The following FNDC3B variants were observed in gnomAD, a reference collection of about 807,000 sequenced individuals.
FNDC3B encodes the protein fibronectin type III domain containing 3B, also known as fibronectin type III domain-containing protein 3B.
FNDC3B carries 12 observed loss-of-function variants against 151.5 expected under a neutral mutation model. That is an observed-to-expected ratio of 0.08 (90% confidence interval 0.05 to 0.13). The LOEUF is 0.13. FNDC3B is among the 10% of genes least tolerant of loss of function. The pLI is 1.00. For missense variants in FNDC3B, 1,214 were observed against 1,505.3 expected (o/e 0.81, Z 3.20); for synonymous variants, 528 against 549.0 (o/e 0.96, Z 0.54).
chr3:172,329,654 C>T (rs1732538161), intron 12 of FNDC3B: 1 of 152,188 alleles, frequency 6.6e-6, no homozygotes, highest in African/African-American at 2.4e-5. Flanking sequence ...GGGGGTAACT[C>T]TTCATTAAGG....
intron 3 of FNDC3B, among the ~76,000 whole-genome samples, chr3:172,203,597 G>A (rs1725268623): frequency 6.6e-6 from 1 of 152,152 alleles, no homozygotes; most frequent in Non-Finnish European, 1.5e-5. Flanking sequence ...CCTTTGATTT[G>A]CTTTATCTTT....
At chr3:172,200,111 C>A (rs1172479131) in intron 3 of FNDC3B, among the ~76,000 whole-genome samples, 3 of 152,150 alleles carry the variant, frequency 2.0e-5, no homozygotes, top group African/African-American at 7.2e-5. Flanking sequence ...TGGAACCCAC[C>A]CTGGACAGGA....
intron 6 of FNDC3B, among the ~76,000 whole-genome samples, chr3:172,277,478 C>T (rs1729491554): frequency 6.6e-6 from 1 of 152,110 alleles, no homozygotes; most frequent in Admixed American, 6.5e-5. Context: ...TCTATGAGGG[C>T]TTTATCCTCA....
intron 2 of FNDC3B, among the ~76,000 whole-genome samples, chr3:172,128,340 T>A (rs910655904): frequency 9.9e-5 from 15 of 152,234 alleles, no homozygotes; most frequent in Non-Finnish European, 1.9e-4. Context: ...TTGCATGTGT[T>A]ATTACCACAA....
intron 6 of FNDC3B, among the ~76,000 whole-genome samples, chr3:172,267,182 G>T (rs542051825): frequency 6.6e-6 from 1 of 150,982 alleles, no homozygotes; most frequent in South Asian, 2.1e-4. Context: ...TTTGAACAGG[G>T]TCTCACTCTG....
At chr3:172,238,636 A>G (rs878899932) in intron 4 of FNDC3B, among the ~76,000 whole-genome samples, 2 of 152,184 alleles carry the variant, frequency 1.3e-5, no homozygotes, top group Admixed American at 1.3e-4. Flanking sequence ...TAGGGTGGGT[A>G]CAGACCTTAC....
At chr3:172,109,499 G>T (rs1449010900) in intron 1 of FNDC3B, among the ~76,000 whole-genome samples, 1 of 152,226 alleles carries the variant, frequency 6.6e-6, no homozygotes, top group Non-Finnish European at 1.5e-5. Context: ...GGTGGCTGAG[G>T]GAAAAGATCA....
At chr3:172,202,306 C>A (rs1221326534) in intron 3 of FNDC3B, among the ~76,000 whole-genome samples, 2 of 152,158 alleles carry the variant, frequency 1.3e-5, no homozygotes, top group Non-Finnish European at 2.9e-5. Context: ...ACACAGAAAT[C>A]TTTAGTCTTA....
At chr3:172,159,658 GTC>G (rs556147579) in intron 3 of FNDC3B, among the ~76,000 whole-genome samples, 45 of 152,350 alleles carry the variant, frequency 3.0e-4, no homozygotes, top group South Asian at 1.7e-3. Context: ...CTGTACAGCT[GTC>G]TCTGAAGCCT....
At chr3:172,257,240 G>T (rs1728397735) in intron 6 of FNDC3B, among the ~76,000 whole-genome samples, 1 of 152,180 alleles carries the variant, frequency 6.6e-6, no homozygotes, top group Non-Finnish European at 1.5e-5. Flanking sequence ...ATAAAAATTT[G>T]CTGTGTGCAG....
intron 6 of FNDC3B, among the ~76,000 whole-genome samples, chr3:172,278,279 T>C (rs1046864089): frequency 1.3e-5 from 2 of 152,158 alleles, no homozygotes; most frequent in African/African-American, 4.8e-5. Context: ...CAAGTCCTAA[T>C]GAAAAAACAT....
In FNDC3B at chr3:172,297,674, C is replaced by T. The variant is rs542792408; in HGVS notation, c.1002-1054C>T. On this transcript the variant is annotated intron_variant, in intron 8 of 25. Coordinates refer to ENST00000415807, the MANE Select transcript of FNDC3B (RefSeq NM_022763.4). ...TATTTTTAGTAGAGACGGGGTTTCACCGTGTTAGCCAGGATGGTCTCGATC... is the reference window on the plus strand; with the variant it reads ...TATTTTTAGTAGAGACGGGGTTTCATCGTGTTAGCCAGGATGGTCTCGATC... 5.3e-5 allele frequency among the ~76,000 whole-genome samples: 8 copies of T among 152,070 alleles called. No homozygotes were observed. In the East Asian group the frequency reaches 9.7e-4, roughly 18 times the overall value.
chr3:172,098,395 A>C (rs1454585823), intron 1 of FNDC3B, among the ~76,000 whole-genome samples: 2 of 152,228 alleles, frequency 1.3e-5, no homozygotes, highest in Admixed American at 1.3e-4. Context: ...GATACTACTG[A>C]CAGTACATGC....
At chr3:172,152,700 GA>G (rs1371263317) in intron 3 of FNDC3B, among the ~76,000 whole-genome samples, 1 of 149,520 alleles carries the variant, frequency 6.7e-6, no homozygotes, top group African/African-American at 2.5e-5. Flanking sequence ...CAAAGTTTCT[GA>G]AAAAAATCAC....
intron 11 of FNDC3B, 77 bp downstream of exon 11, chr3:172,310,958 CTTTTA>C: frequency 9.9e-7 from 1 of 1,008,474 alleles, no homozygotes; most frequent in East Asian, 2.4e-5. Flanking sequence ...CCATCTTATT[CTTTTA>C]TAAGACATGC....
intron 3 of FNDC3B, among the ~76,000 whole-genome samples, chr3:172,219,282 T>C (rs547032687): frequency 1.6e-4 from 24 of 152,232 alleles, no homozygotes; most frequent in African/African-American, 5.5e-4. Flanking sequence ...GGATAGACAA[T>C]GCACCTCTTG....
intron 3 of FNDC3B, among the ~76,000 whole-genome samples, chr3:172,182,028 C>T (rs901249831): frequency 2.8e-4 from 42 of 152,204 alleles, no homozygotes; most frequent in African/African-American, 9.6e-4. Flanking sequence ...TGGGATGCTG[C>T]ACTGAGTAAT....
At chr3:172,070,078 C>G (rs1208300665) in intron 1 of FNDC3B, among the ~76,000 whole-genome samples, 1 of 152,180 alleles carries the variant, frequency 6.6e-6, no homozygotes, top group Non-Finnish European at 1.5e-5. Flanking sequence ...CCCCTGCTCC[C>G]TTTTCTTTCC....
In FNDC3B at chr3:172,224,659, C is replaced by A. The variant is rs542240272; in HGVS notation, c.188-2212C>A. 5.5e-4 allele frequency among the ~76,000 whole-genome samples: 83 copies of A among 152,282 alleles called. 1 individual carries two copies. The highest frequency in any genetic ancestry group is 1.9e-3 in the African/African-American group (78 of 41,560). ...TGGTTGTACTGTGAAGTGAAGGATG[C>A]ATTGTGTGCACGTTTAAATGCAGCA... On this transcript the variant is annotated intron_variant, in intron 3 of 25. Transcript: ENST00000415807.
Sources: allele counts gnomAD v4.1 joint callset (sites outside exome capture counted in the v4.1 genomes callset), GRCh38; gene constraint gnomAD v4.1.1; transcripts MANE v1.5; gene names NCBI Gene and HGNC (gene_info 2026-07-23, HGNC 2026-07-21).